Variants in ETV6 observed in about 807,000 individuals in gnomAD.
ETV6 encodes the protein ETS variant transcription factor 6.
A neutral mutation model predicts 51.1 loss-of-function variants in ETV6; 16 were observed. That is an observed-to-expected ratio of 0.31 (90% confidence interval 0.21 to 0.48). The LOEUF (loss-of-function observed/expected upper bound fraction) is 0.48. ETV6 is among the 20% of genes least tolerant of loss of function. ETV6 has a pLI of 0.99. For missense variants in ETV6, 458 were observed against 594.8 expected (o/e 0.77, Z 2.39); for synonymous variants, 240 against 224.1 (o/e 1.07, Z -0.64).
At chr12:11,765,030 A>T (rs1336118194) in intron 2 of ETV6, among the ~76,000 whole-genome samples, 1 of 152,192 alleles carries the variant, frequency 6.6e-6, no homozygotes, top group Non-Finnish European at 1.5e-5. Context: ...CTTTAAGAAC[A>T]TGAAGAATAG....
chr12:11,680,247 T>C (rs1864500726), intron 1 of ETV6, among the ~76,000 whole-genome samples: 1 of 152,228 alleles, frequency 6.6e-6, no homozygotes, highest in Non-Finnish European at 1.5e-5. Flanking sequence ...ATAAAAAGCT[T>C]ACACTTGTTG....
intron 5 of ETV6, among the ~76,000 whole-genome samples, chr12:11,874,411 T>C (rs1397521568): frequency 1.2e-5 from 1 of 83,250 alleles, no homozygotes; most frequent in African/African-American, 4.1e-5. Context: ...TATATATATG[T>C]GTGTATATAT....
rs112909065 is a variant in ETV6 at position 11,723,370 on chromosome 12, C to T, written c.34-29080C>T. ...GGATTATCACATTTAATACCCACAACGCACTCTCCCTCCTTTCCCATGTCC... is the reference window on the plus strand; with the variant it reads ...GGATTATCACATTTAATACCCACAATGCACTCTCCCTCCTTTCCCATGTCC... On this transcript the variant is annotated intron_variant, in intron 1 of 7. Transcript: ENST00000396373. Among the ~76,000 whole-genome samples the T allele has an allele frequency of 1.1e-3, 161 of 152,212 alleles. 2 individuals are homozygous for T. Among genetic ancestry groups the T allele is most frequent in the Middle Eastern group, 6.8e-3 (2 of 294 alleles).
chr12:11,851,825 C>T (rs1053944574), intron 3 of ETV6, among the ~76,000 whole-genome samples: 3 of 152,084 alleles, frequency 2.0e-5, no homozygotes, highest in Admixed American at 6.5e-5. Flanking sequence ...ATAGGGTATC[C>T]GTGGAGTTTT....
intron 1 of ETV6, among the ~76,000 whole-genome samples, chr12:11,701,491 A>G (rs1171142275): frequency 2.0e-5 from 3 of 152,164 alleles, no homozygotes. Flanking sequence ...TTAAGACTCA[A>G]GAGTTTAAGT....
chr12:11,654,088 A>G (rs1270042127), intron 1 of ETV6, among the ~76,000 whole-genome samples: 1 of 152,150 alleles, frequency 6.6e-6, no homozygotes, highest in East Asian at 1.9e-4. Flanking sequence ...TGCTGAGATT[A>G]CAGGTGTGAG....
intron 1 of ETV6, among the ~76,000 whole-genome samples, chr12:11,685,900 A>G (rs1019805082): frequency 9.9e-5 from 15 of 152,248 alleles, no homozygotes; most frequent in African/African-American, 3.6e-4. Flanking sequence ...AGACACAGCC[A>G]GCCACAGTCA....
intron 1 of ETV6, among the ~76,000 whole-genome samples, chr12:11,655,455 A>G (rs1349033887): frequency 1.3e-5 from 2 of 152,188 alleles, no homozygotes; most frequent in African/African-American, 4.8e-5. Context: ...ACTAGACTAA[A>G]TTAGTAAAAA....
rs34004409 is a variant in ETV6 at position 11,784,862 on chromosome 12, A to ATTTTT, written c.163+32303_163+32307dup. ...CAAGTGTGCACCCCGTGCCTTGCTA[A>ATTTTT]TTTTTTTTTTTTTTTTTTTTTTTTG... On this transcript the variant is annotated intron_variant, in intron 2 of 7. Transcript: ENST00000396373. 3.4e-4 allele frequency among the ~76,000 whole-genome samples: 29 copies of ATTTTT among 85,734 alleles called. 1 individual carries two copies. The highest frequency in any genetic ancestry group is 8.9e-4 in the South Asian group (2 of 2,244). The allele number at this position is 85,734 out of a possible 152,430, so 56.2% of individuals were successfully genotyped here. A position where few individuals can be genotyped will look rare whatever the true frequency, so the allele number is the denominator to read the frequency against.
chr12:11,839,091 C>T (rs1946354115), intron 2 of ETV6, 49 bp from the exon 3 acceptor site: 2 of 1,574,580 alleles, frequency 1.3e-6, no homozygotes, highest in African/African-American at 2.7e-5. Context: ...AGCTGTCTAA[C>T]TGACAAGACC....
At chr12:11,840,716 T>C (rs964350206) in intron 3 of ETV6, 1 of 320,826 alleles carries the variant, frequency 3.1e-6, no homozygotes, top group Non-Finnish European at 6.2e-6. Flanking sequence ...AGAGATGTTA[T>C]TGAAACTTGA....
intron 1 of ETV6, among the ~76,000 whole-genome samples, chr12:11,673,066 A>AC (rs1330899615): frequency 6.6e-6 from 1 of 152,206 alleles, no homozygotes; most frequent in Non-Finnish European, 1.5e-5. Context: ...ACATTCAGTG[A>AC]CAGAAGGGAA....
At chr12:11,683,569 C>A in intron 1 of ETV6, among the ~76,000 whole-genome samples, 1 of 152,078 alleles carries the variant, frequency 6.6e-6, no homozygotes, top group East Asian at 1.9e-4. Context: ...TGTTATCTGC[C>A]ACTAGACTGT....
At chr12:11,724,034 C>CCCTG (rs1865442734) in intron 1 of ETV6, among the ~76,000 whole-genome samples, 1 of 152,030 alleles carries the variant, frequency 6.6e-6, no homozygotes, top group African/African-American at 2.4e-5. Flanking sequence ...CCTCCCCCAC[C>CCCTG]CCTGACCTGA....
intron 1 of ETV6, among the ~76,000 whole-genome samples, chr12:11,687,303 C>T (rs578148996): frequency 6.7e-6 from 1 of 150,284 alleles, no homozygotes; most frequent in South Asian, 2.1e-4. Context: ...GCTTCAGCCT[C>T]CCAAGTAGCT....
chr12:11,751,746 A>G (rs1481237350), intron 1 of ETV6: 1 of 422,276 alleles, frequency 2.4e-6, no homozygotes, highest in African/African-American at 2.1e-5. Flanking sequence ...TGAATGAACT[A>G]TGAAATACTT....
At chr12:11,823,175 G>A (rs566187951) in intron 2 of ETV6, among the ~76,000 whole-genome samples, 1 of 152,228 alleles carries the variant, frequency 6.6e-6, no homozygotes, top group South Asian at 2.1e-4. Flanking sequence ...ATGAGCAGCT[G>A]GATCGCTCCT....
chr12:11,657,339 G>C (rs1864018177), intron 1 of ETV6, among the ~76,000 whole-genome samples: 2 of 152,258 alleles, frequency 1.3e-5, no homozygotes, highest in East Asian at 3.9e-4. Flanking sequence ...GAGGAAAAAT[G>C]AGAAAAAACA....
intron 2 of ETV6, among the ~76,000 whole-genome samples, chr12:11,785,039 G>C (rs1231996286): frequency 6.6e-6 from 1 of 152,000 alleles, no homozygotes; most frequent in African/African-American, 2.4e-5. Flanking sequence ...ATTTGCCAAT[G>C]AGAATTGTAA....
Sources: gnomAD v4.1 joint callset for allele counts (sites outside exome capture counted in the v4.1 genomes callset) on GRCh38, gnomAD v4.1.1 for gene constraint, MANE v1.5 for transcripts, NCBI Gene and HGNC (gene_info 2026-07-23, HGNC 2026-07-21) for gene names.